Variants in CADM1 observed in about 807,000 individuals in gnomAD.
CADM1 encodes the protein cell adhesion molecule 1.
CADM1 carries 15 observed loss-of-function variants against 53.1 expected under a neutral mutation model. That is an observed-to-expected ratio of 0.28 (90% CI 0.19 to 0.44). CADM1 has a LOEUF of 0.44. CADM1 is among the 20% of genes least tolerant of loss of function. CADM1 has a pLI of 1.00. For missense variants in CADM1, 434 were observed against 611.3 expected, an observed-to-expected ratio of 0.71 and a Z score of 3.06; for synonymous variants, 281 against 243.0, an observed-to-expected ratio of 1.16 and a Z score of -1.45.
At chr11:115,329,006 AAATTTTAATGAACTATT>A (rs1438989648) in intron 1 of CADM1, among the ~76,000 whole-genome samples, 1 of 151,640 alleles carries the variant, frequency 6.6e-6, no homozygotes, top group East Asian at 2.0e-4. Context: ...AACCTTCAAT[AAATTTTAATGAACTATT>A]AAATTTAAAT....
chr11:115,503,685 T>A (rs1019166489), intron 1 of CADM1, among the ~76,000 whole-genome samples: 1 of 151,962 alleles, frequency 6.6e-6, no homozygotes, highest in African/African-American at 2.4e-5. Context: ...GGCGTGCAGT[T>A]TGGGGACAGG....
chr11:115,219,687 T>C (rs776335784), intron 5 of CADM1, among the ~76,000 whole-genome samples: 9 of 152,160 alleles, frequency 5.9e-5, no homozygotes, highest in Non-Finnish European at 1.2e-4. Context: ...CAGGATGACC[T>C]TGAACCAGCA....
Position 115,340,626 on chromosome 11 carries a change from TTATATATATATATA to T in CADM1, c.125-100220_125-100207del, listed in dbSNP as rs869156485. Among the ~76,000 whole-genome samples, 351 of 48,222 alleles carry T rather than the reference TTATATATATATATA, an allele frequency of 7.3e-3. 14 individuals are homozygous for T. Among genetic ancestry groups the T allele is most frequent in the African/African-American group, 0.03 (316 of 10,466 alleles). 31.6% of individuals were successfully genotyped at this position (48,222 alleles called of 152,430 possible). On this transcript the variant is annotated intron_variant, in intron 1 of 11. Transcript: ENST00000331581. ...GTGGAGTCACACAACATAATAAATATTATATATATATATATATATATATATATATATATTTTTTT... is the reference window on the plus strand; with the variant it reads ...GTGGAGTCACACAACATAATAAATATTATATATATATATATATATTTTTTT...
rs933428430 is a variant in CADM1, at chr11:115,174,275, TTTTG to T, written c.*2195_*2198del. The T allele has an allele frequency of 1.4e-4, 139 of 965,184 alleles. No homozygotes were observed. Among genetic ancestry groups the T allele is most frequent in the Non-Finnish European group, 1.7e-4 (135 of 814,122 alleles). 59.8% of individuals were successfully genotyped at this position (965,184 alleles called of 1,614,324 possible). A position where few individuals can be genotyped will look rare whatever the true frequency, so the allele number is the denominator to read the frequency against. On this transcript the variant is annotated 3_prime_UTR_variant, in exon 12 of 12. Transcript: ENST00000331581. ...TGTGAGCAATGGTGTGATTTTTTTT[TTTTG>T]TTTTTGTTTTTGTTTTTCTTTTTTT...
At chr11:115,336,037 T>C (rs577519008) in intron 1 of CADM1, among the ~76,000 whole-genome samples, 2 of 152,254 alleles carry the variant, frequency 1.3e-5, no homozygotes, top group South Asian at 4.1e-4. Context: ...TTGAGACAAG[T>C]ATGTAGCAAA....
chr11:115,477,373 A>C (rs1271373237), intron 1 of CADM1, among the ~76,000 whole-genome samples: 2 of 152,236 alleles, frequency 1.3e-5, no homozygotes, highest in African/African-American at 4.8e-5. Context: ...TCCCAAGGAC[A>C]AGAATCCAAT....
chr11:115,190,903 T>C lies in CADM1; in HGVS notation c.1150A>G (p.Ser384Gly). Residue 384 changes from serine to glycine, a missense_variant, in exon 10 of 12, where the codon AGT becomes GGT. Ser to Gly is a moderately conservative substitution (Grantham distance 56). Transcript: ENST00000331581. ...TAGCCCTTACCTGAGAGGTCCTCAC[T>C]GTCCAGTTCTTCTGCGGAATTGGGC... is the stretch of plus-strand genomic sequence containing the variant. ...QLPNSAEELD[S>G]EDLSDSRAGE... 3.8e-6 allele frequency: 6 copies of C among 1,595,412 alleles called. No homozygotes were observed. Among genetic ancestry groups the C allele is most frequent in the Non-Finnish European group, 5.1e-6 (6 of 1,178,608 alleles).
chr11:115,386,911 G>GT (rs2076410739), intron 1 of CADM1, among the ~76,000 whole-genome samples: 1 of 152,192 alleles, frequency 6.6e-6, no homozygotes, highest in South Asian at 2.1e-4. Context: ...AACTAGAAGA[G>GT]TGGGAACTAA....
At chr11:115,466,957 G>A (rs1041060151) in intron 1 of CADM1, among the ~76,000 whole-genome samples, 1 of 152,054 alleles carries the variant, frequency 6.6e-6, no homozygotes, top group African/African-American at 2.4e-5. Flanking sequence ...ACATTGACTC[G>A]TCCTTTCCAC....
intron 1 of CADM1, among the ~76,000 whole-genome samples, chr11:115,464,991 C>T (rs558789352): frequency 6.6e-6 from 1 of 152,296 alleles, no homozygotes; most frequent in East Asian, 1.9e-4. Flanking sequence ...GTTGGGCTGA[C>T]CCAGAGGAAT....
chr11:115,176,437 G>C lies in CADM1; in HGVS notation c.*37C>G. The C allele has an allele frequency of 6.2e-7, 1 of 1,612,088 alleles. No homozygotes were observed. Among genetic ancestry groups the C allele is most frequent in the African/African-American group, 1.3e-5 (1 of 74,894 alleles). On this transcript the variant is annotated 3_prime_UTR_variant, in exon 12 of 12. Transcript: ENST00000331581. ...CACTGTCTCTTTATCATCTAAATAG[G>C]GCCAGTTGGACACCTCATTGAAACA...
At chr11:115,314,596 T>C (rs770108223) in intron 1 of CADM1, among the ~76,000 whole-genome samples, 15 of 152,150 alleles carry the variant, frequency 9.9e-5, no homozygotes, top group Non-Finnish European at 1.9e-4. Context: ...GAAAGATTTA[T>C]TTTAGGTGGC....
At chr11:115,425,676 C>T (rs1183273623) in intron 1 of CADM1, among the ~76,000 whole-genome samples, 1 of 152,104 alleles carries the variant, frequency 6.6e-6, no homozygotes, top group African/African-American at 2.4e-5. Flanking sequence ...TTTTGATGTG[C>T]GGAGTTTCTA....
chr11:115,176,070 T>A lies in CADM1; in HGVS notation c.*404A>T. 3 of 1,083,568 alleles carry A rather than the reference T, an allele frequency of 2.8e-6. No individual in the cohort carries two copies. The highest frequency in any genetic ancestry group is 3.4e-6 in the Non-Finnish European group (3 of 889,302). 67.1% of individuals were successfully genotyped at this position (1,083,568 alleles called of 1,614,324 possible). Reference sequence around the variant, plus strand: ...AGTCTAAGGAATCCCAGCAGGCAAATTCCAAAATGGGAGATTTTGGAAAAA... The same window carrying A: ...AGTCTAAGGAATCCCAGCAGGCAAAATCCAAAATGGGAGATTTTGGAAAAA... On this transcript the variant is annotated 3_prime_UTR_variant, in exon 12 of 12. Coordinates refer to ENST00000331581, the MANE Select transcript of CADM1 (RefSeq NM_001301043.2).
chr11:115,457,832 C>T (rs1387086505), intron 1 of CADM1, among the ~76,000 whole-genome samples: 1 of 151,990 alleles, frequency 6.6e-6, no homozygotes, highest in South Asian at 2.1e-4. Context: ...CTAATAAAAA[C>T]GGCTAATGAA....
At chr11:115,222,081 T>C (rs774380638) in intron 5 of CADM1, among the ~76,000 whole-genome samples, 5 of 152,106 alleles carry the variant, frequency 3.3e-5, no homozygotes, top group Non-Finnish European at 7.4e-5. Flanking sequence ...CCAAGGAGTA[T>C]GGGGATTTGA....
At chr11:115,342,478 G>T (rs749276080) in intron 1 of CADM1, among the ~76,000 whole-genome samples, 1 of 152,106 alleles carries the variant, frequency 6.6e-6, no homozygotes, top group Non-Finnish European at 1.5e-5. Context: ...GCTCCTTACC[G>T]GTCTCTAAGT....
chr11:115,307,359 T>A (rs1177870232), intron 1 of CADM1, among the ~76,000 whole-genome samples: 1 of 151,846 alleles, frequency 6.6e-6, no homozygotes, highest in Non-Finnish European at 1.5e-5. Flanking sequence ...TCAGAAAACA[T>A]GTTCCTCAAA....
At chr11:115,240,652 T>C (rs1942196002) in intron 1 of CADM1, 1 of 556,812 alleles carries the variant, frequency 1.8e-6, no homozygotes, top group South Asian at 2.0e-5. Context: ...AAAGCTGTGG[T>C]ACAAAAGGTT....
Sources: gnomAD v4.1 joint callset for allele counts (sites outside exome capture counted in the v4.1 genomes callset) on GRCh38, gnomAD v4.1.1 for gene constraint, MANE v1.5 for transcripts, NCBI Gene and HGNC (gene_info 2026-07-23, HGNC 2026-07-21) for gene names.